CENPC: variants seen among roughly 807,000 people sequenced by gnomAD.
The protein encoded by CENPC is centromere protein C.
A neutral mutation model predicts 112.1 loss-of-function variants in CENPC; 63 were observed. The ratio of observed to expected loss-of-function variants is 0.56; its 90% CI spans 0.46 to 0.69. The LOEUF is 0.69. Among genes scored for constraint, CENPC ranks in the 30% least tolerant of loss-of-function variants. CENPC has a pLI of 0.00. For synonymous variants in CENPC, 333 were observed against 367.6 expected, an observed-to-expected ratio of 0.91 and a Z score of 1.08; for missense variants, 1,000 against 1,103.8, an observed-to-expected ratio of 0.91 and a Z score of 1.33.
At chr4:67,527,085 T>C (rs1726402847) in intron 5 of CENPC, among the ~76,000 whole-genome samples, 1 of 151,974 alleles carries the variant, frequency 6.6e-6, no homozygotes, top group African/African-American at 2.4e-5. Context: ...ATAAGTGAAA[T>C]GAACACAAAA....
chr4:67,481,607 C>G (rs1215625671), intron 17 of CENPC, among the ~76,000 whole-genome samples: 2 of 152,172 alleles, frequency 1.3e-5, no homozygotes, highest in Admixed American at 1.3e-4. Context: ...CAAATACTTA[C>G]AGCCAACTGA....
chr4:67,475,538 G>A (rs1362439588), intron 17 of CENPC, among the ~76,000 whole-genome samples: 1 of 152,188 alleles, frequency 6.6e-6, no homozygotes, highest in Non-Finnish European at 1.5e-5. Context: ...ATACTCTAAA[G>A]AGAATACCTG....
At chr4:67,516,656 A>G (rs969620422) in intron 7 of CENPC, among the ~76,000 whole-genome samples, 2 of 152,028 alleles carry the variant, frequency 1.3e-5, no homozygotes, top group African/African-American at 4.8e-5. Context: ...AATAAAGAAC[A>G]AAGTCAATAC....
intron 4 of CENPC, among the ~76,000 whole-genome samples, chr4:67,533,790 C>CAT: frequency 1.3e-5 from 2 of 151,308 alleles, no homozygotes; most frequent in South Asian, 2.1e-4. Context: ...GTAATCCCAG[C>CAT]ACTTTGGGAG....
intron 17 of CENPC, among the ~76,000 whole-genome samples, chr4:67,486,934 C>G (rs116694497): frequency 2.1e-5 from 3 of 146,096 alleles, no homozygotes; most frequent in Non-Finnish European, 4.5e-5. Flanking sequence ...AATCTAGAGA[C>G]TTGATCAGAT....
intron 12 of CENPC, among the ~76,000 whole-genome samples, chr4:67,496,869 C>A (rs1018205271): frequency 3.3e-5 from 5 of 151,728 alleles, no homozygotes; most frequent in African/African-American, 9.7e-5. Flanking sequence ...CTTAATAAAT[C>A]TGTGTACCCC....
intron 13 of CENPC, 41 bp downstream of exon 13, chr4:67,495,118 T>C: frequency 6.9e-7 from 1 of 1,440,074 alleles, no homozygotes; most frequent in Non-Finnish European, 9.3e-7. Flanking sequence ...ACTTAAGGTA[T>C]TTTTCTCAAT....
intron 12 of CENPC, among the ~76,000 whole-genome samples, chr4:67,497,361 G>GAGGGAC (rs1473374740): frequency 6.6e-6 from 1 of 152,076 alleles, no homozygotes; most frequent in Non-Finnish European, 1.5e-5. Context: ...CTGGGCGACA[G>GAGGGAC]AGGGACACTC....
At chr4:67,485,991 C>T (rs997000128) in intron 17 of CENPC, among the ~76,000 whole-genome samples, 1 of 151,688 alleles carries the variant, frequency 6.6e-6, no homozygotes, top group Non-Finnish European at 1.5e-5. Context: ...AAAAGCCCCC[C>T]GAAATGTTTC....
intron 5 of CENPC, among the ~76,000 whole-genome samples, chr4:67,529,421 G>A (rs1186904746): frequency 6.6e-6 from 1 of 152,018 alleles, no homozygotes; most frequent in Admixed American, 6.6e-5. Flanking sequence ...CAGCTCCTAG[G>A]CTCAAGCGAT....
intron 4 of CENPC, among the ~76,000 whole-genome samples, chr4:67,534,012 A>G (rs1339671803): frequency 6.6e-6 from 1 of 151,650 alleles, no homozygotes; most frequent in Non-Finnish European, 1.5e-5. Context: ...CACTCCAGCA[A>G]CAGAGCAAGA....
intron 17 of CENPC, among the ~76,000 whole-genome samples, chr4:67,489,510 A>G (rs1226012889): frequency 6.6e-6 from 1 of 152,040 alleles, no homozygotes; most frequent in Non-Finnish European, 1.5e-5. Flanking sequence ...TTGATATATA[A>G]AAATTTTACA....
rs202179070 is a variant in CENPC, at chr4:67,509,044, T to G, written c.1674A>C (p.Arg558=). ...ACTGATTTGTTTTCTTAGTAGATTT[T>G]CGGCTACTATTGTGATGCATTGGTA... The part of the protein sequence containing the change: ...NELPMHHNSS[R]KSTKKTNQSS... The change falls in exon 10 of 19, where the codon CGA becomes CGC. Residue 558 remains arginine, a synonymous_variant. Transcript: ENST00000273853. 1 of 1,612,124 alleles carries G rather than the reference T, an allele frequency of 6.2e-7. No individual in the cohort carries two copies. Among genetic ancestry groups the G allele is most frequent in the Non-Finnish European group, 8.5e-7 (1 of 1,179,216 alleles).
At chr4:67,506,497 G>A (rs565781865) in intron 11 of CENPC, among the ~76,000 whole-genome samples, 40 of 152,274 alleles carry the variant, frequency 2.6e-4, no homozygotes, top group Middle Eastern at 6.8e-3. Context: ...GAAACAGCCA[G>A]AACGGAACTG....
intron 8 of CENPC, among the ~76,000 whole-genome samples, chr4:67,513,484 T>G (rs1032183110): frequency 2.0e-5 from 3 of 152,210 alleles, no homozygotes; most frequent in African/African-American, 7.2e-5. Flanking sequence ...ATCTTTCAAG[T>G]ATACTTCCTT....
At position 67,468,961 on chromosome 4, in the gene CENPC, C is replaced by T. The variant is rs1283413312; in HGVS notation, c.*3644G>A. The T allele has an allele frequency of 6.6e-6, 1 of 152,168 alleles. No homozygotes were observed. Among genetic ancestry groups the T allele is most frequent in the Non-Finnish European group, 1.5e-5 (1 of 68,028 alleles). 9.4% of individuals were successfully genotyped at this position (152,168 alleles called of 1,614,324 possible). A position where few individuals can be genotyped will look rare whatever the true frequency, so the allele number is the denominator to read the frequency against. ...CAACAATATATAAGTGACAATATTACAGAGATGAAGAACAAATTAGTGATG... is the reference window on the plus strand; with the variant it reads ...CAACAATATATAAGTGACAATATTATAGAGATGAAGAACAAATTAGTGATG... On this transcript the variant is annotated 3_prime_UTR_variant, in exon 19 of 19. Transcript: ENST00000273853.
intron 16 of CENPC, among the ~76,000 whole-genome samples, chr4:67,491,468 TATATATATATATAGAGAGAGAG>T (rs1338065232): frequency 5.5e-5 from 3 of 54,672 alleles, no homozygotes; most frequent in Non-Finnish European, 7.6e-5. Flanking sequence ...TATATATATA[TATATATATATATAGAGAGAGAG>T]AGAGAGAGAG....
intron 17 of CENPC, among the ~76,000 whole-genome samples, chr4:67,475,982 T>C (rs1300614271): frequency 1.3e-5 from 2 of 152,216 alleles, no homozygotes; most frequent in African/African-American, 2.4e-5. Flanking sequence ...AGTGGTCCTA[T>C]AAGGTTACAA....
chr4:67,477,788 A>G (rs903443044), intron 17 of CENPC, among the ~76,000 whole-genome samples: 5 of 152,192 alleles, frequency 3.3e-5, no homozygotes, highest in African/African-American at 1.2e-4. Flanking sequence ...AACCAACTTA[A>G]AGAATTTTTT....
Sources: allele counts gnomAD v4.1 joint callset (sites outside exome capture counted in the v4.1 genomes callset), GRCh38; gene constraint gnomAD v4.1.1; transcripts MANE v1.5; gene names NCBI Gene and HGNC (gene_info 2026-07-23, HGNC 2026-07-21).